Variants in ILDR1 observed in about 807,000 individuals in gnomAD.
ILDR1 encodes the protein immunoglobulin like domain containing receptor 1.
ILDR1 carries 56 observed loss-of-function variants against 62.4 expected under a neutral mutation model. The observed-to-expected ratio is 0.90, with a 90% confidence interval of 0.72 to 1.12. ILDR1 has a LOEUF of 1.12. Among genes scored for constraint, ILDR1 ranks in the 50% most tolerant of loss-of-function variants. The probability of loss-of-function intolerance (pLI) is 0.00; values close to 1 mark genes in which losing one functional copy is unlikely to be tolerated. For missense variants in ILDR1, 736 were observed against 710.6 expected, an observed-to-expected ratio of 1.04 and a Z score of -0.41; for synonymous variants, 284 against 277.8, an observed-to-expected ratio of 1.02 and a Z score of -0.22.
chr3:122,060,356 C>T, the ILDR1 span, among the ~76,000 whole-genome samples: 1 of 152,120 alleles, frequency 6.6e-6, no homozygotes, highest in Admixed American at 6.5e-5. Flanking sequence ...ATGGAGGCAG[C>T]ACAGATGGTC....
At chr3:122,004,150 G>T (rs1486406858) in intron 3 of ILDR1, among the ~76,000 whole-genome samples, 2 of 152,116 alleles carry the variant, frequency 1.3e-5, no homozygotes, top group Non-Finnish European at 2.9e-5. Flanking sequence ...ATATTGTAGC[G>T]ATGGCCACCA....
At chr3:122,038,266 C>G in the ILDR1 span, among the ~76,000 whole-genome samples, 1 of 152,120 alleles carries the variant, frequency 6.6e-6, no homozygotes, top group East Asian at 1.9e-4. Context: ...GAGACAAATT[C>G]ATTCTGTGGA....
In ILDR1 at chr3:121,993,560, G is replaced by C. The variant is rs1365630767; in HGVS notation, c.1189C>G (p.Pro397Ala). The C allele has an allele frequency of 3.1e-6, 5 of 1,614,082 alleles. No individual in the cohort carries two copies. The highest frequency in any genetic ancestry group is 4.2e-6 in the Non-Finnish European group (5 of 1,180,040). Residue 397 changes from proline (P) to alanine (A), a missense_variant, in exon 7 of 8, where the codon CCA (proline) becomes GCA (alanine). Coordinates refer to ENST00000344209, the MANE Select transcript of ILDR1 (RefSeq NM_001199799.2). ...CTACGGTGCCTTCCACTCCACGATG[G>C]GTCCAACTCCCTTCTTTCCAATGCC... ...SWALERRELD[P>A]SWSGRHRSSR...
chr3:122,031,354 A>G, the ILDR1 span, among the ~76,000 whole-genome samples: 1 of 152,172 alleles, frequency 6.6e-6, no homozygotes, highest in Admixed American at 6.5e-5. Flanking sequence ...CACTGGACCA[A>G]ATGATCCAGA....
intron 3 of ILDR1, among the ~76,000 whole-genome samples, chr3:122,002,780 C>T (rs999166290): frequency 6.6e-6 from 1 of 152,078 alleles, no homozygotes; most frequent in South Asian, 2.1e-4. Flanking sequence ...ATCCCCACAC[C>T]CTCCAACAGG....
chr3:122,008,564 A>ATTTCTTTTCT (rs1220519103), intron 1 of ILDR1, among the ~76,000 whole-genome samples: 18 of 124,842 alleles, frequency 1.4e-4, no homozygotes, highest in African/African-American at 4.0e-4. Flanking sequence ...CGCATTTTTT[A>ATTTCTTTTCT]TTTCTTTTCT....
At chr3:122,042,835 G>C in the ILDR1 span, among the ~76,000 whole-genome samples, 14 of 152,208 alleles carry the variant, frequency 9.2e-5, no homozygotes, top group Admixed American at 4.6e-4. Flanking sequence ...AGATGAGTAG[G>C]TTGTGAAAAT....
intron 7 of ILDR1, among the ~76,000 whole-genome samples, chr3:121,990,779 T>C (rs575397400): frequency 2.1e-4 from 32 of 152,266 alleles, no homozygotes; most frequent in African/African-American, 7.7e-4. Flanking sequence ...CAGCATGAAT[T>C]ATTGAAAGGG....
chr3:122,017,836 CAAT>C (rs952793801), intron 1 of ILDR1, among the ~76,000 whole-genome samples: 19 of 152,156 alleles, frequency 1.2e-4, no homozygotes, highest in Non-Finnish European at 8.8e-5. Flanking sequence ...ATCAAATCCA[CAAT>C]GAGATACCAT....
At chr3:122,017,144 G>C (rs536242349) in intron 1 of ILDR1, among the ~76,000 whole-genome samples, 1 of 152,210 alleles carries the variant, frequency 6.6e-6, no homozygotes, top group African/African-American at 2.4e-5. Flanking sequence ...GCCCCACCGG[G>C]TTCAATTGAT....
intron 4 of ILDR1, 125 bp from the exon 5 acceptor site, chr3:122,001,579 A>G: frequency 6.8e-7 from 1 of 1,471,704 alleles, no homozygotes; most frequent in Non-Finnish European, 9.5e-7. Flanking sequence ...TGAGCAATAT[A>G]CTGGCAAAAA....
intron 7 of ILDR1, among the ~76,000 whole-genome samples, chr3:121,990,644 G>A (rs553769499): frequency 6.6e-6 from 1 of 152,258 alleles, no homozygotes; most frequent in South Asian, 2.1e-4. Flanking sequence ...TCAGGCTGGA[G>A]TGCAGTGGTG....
intron 5 of ILDR1, among the ~76,000 whole-genome samples, chr3:121,996,732 C>T (rs143774421): frequency 8.5e-5 from 13 of 152,274 alleles, no homozygotes; most frequent in Non-Finnish European, 1.5e-4. Flanking sequence ...TGGTCTAATG[C>T]AAGGCAAGAA....
At chr3:122,046,652 G>A in the ILDR1 span, among the ~76,000 whole-genome samples, 89 of 150,598 alleles carry the variant, frequency 5.9e-4, no homozygotes, top group African/African-American at 1.5e-3. Context: ...TTTCCTTCTC[G>A]CTTCATTTCG....
At chr3:122,059,535 CAAAAAAA>C in the ILDR1 span, among the ~76,000 whole-genome samples, 1 of 67,960 alleles carries the variant, frequency 1.5e-5, no homozygotes, top group South Asian at 5.4e-4. Context: ...GACTCCGTCT[CAAAAAAA>C]AAAAAAAAAG....
At chr3:122,041,311 C>T in the ILDR1 span, among the ~76,000 whole-genome samples, 1 of 152,140 alleles carries the variant, frequency 6.6e-6, no homozygotes, top group East Asian at 1.9e-4. Context: ...GTTATCACTG[C>T]CATAAGTTTG....
the ILDR1 span, among the ~76,000 whole-genome samples, chr3:122,049,957 C>A: frequency 1.6e-4 from 24 of 152,348 alleles, no homozygotes; most frequent in African/African-American, 5.8e-4. Flanking sequence ...CCTTTGACTT[C>A]CCAATCTCCA....
intron 1 of ILDR1, among the ~76,000 whole-genome samples, chr3:122,011,933 C>G (rs976671066): frequency 1.3e-5 from 2 of 152,268 alleles, no homozygotes; most frequent in Admixed American, 1.3e-4. Flanking sequence ...TAAAAAGTGT[C>G]AGCATCAGGA....
intron 1 of ILDR1, among the ~76,000 whole-genome samples, chr3:122,009,324 AACACACACACACACACACAC>A (rs60284951): frequency 4.4e-5 from 6 of 137,810 alleles, no homozygotes; most frequent in African/African-American, 1.3e-4. Flanking sequence ...CTCAATTTAA[AACACACACACACACACACAC>A]ACACACACAC....
Sources: allele counts gnomAD v4.1 joint callset (sites outside exome capture counted in the v4.1 genomes callset), GRCh38; gene constraint gnomAD v4.1.1; transcripts MANE v1.5; gene names NCBI Gene and HGNC (gene_info 2026-07-23, HGNC 2026-07-21).